The following ZNF717 variants were observed in gnomAD, a reference collection of about 807,000 sequenced individuals.
The protein encoded by ZNF717 is krueppel-like factor X17.
Under a neutral mutation model 13.8 loss-of-function variants are expected in ZNF717, and 9 were observed. The observed-to-expected ratio is 0.65, with a 90% confidence interval of 0.39 to 1.14. The LOEUF is 1.14. Among genes scored for constraint, ZNF717 ranks in the 50% most tolerant of loss-of-function variants. The probability of loss-of-function intolerance (pLI) is 0.01; values close to 1 mark genes in which losing one functional copy is unlikely to be tolerated. For synonymous variants in ZNF717, 327 were observed against 364.1 expected (o/e 0.90, Z 1.16); for missense variants, 1,040 against 1,080.7 (o/e 0.96, Z 0.53).
intron 2 of ZNF717, among the ~76,000 whole-genome samples, chr3:75,776,532 C>G (rs771432288): frequency 6.6e-6 from 1 of 152,118 alleles, no homozygotes; most frequent in Non-Finnish European, 1.5e-5. Context: ...TCACTGAGGA[C>G]AGCGAACCCC....
At chr3:75,750,059 G>T (rs75505549) in intron 2 of ZNF717, among the ~76,000 whole-genome samples, 1 of 151,320 alleles carries the variant, frequency 6.6e-6, no homozygotes, top group East Asian at 2.0e-4. Context: ...TGCTACGAGG[G>T]TCTGAATGTT....
At chr3:75,709,493 C>T (rs2106832472), downstream of ZNF717, 1 of 152,236 alleles carries the variant, frequency 6.6e-6, no homozygotes, top group African/African-American at 2.4e-5. Flanking sequence ...ACATGAAACA[C>T]AAAGGTTTTC....
At chr3:75,714,814 A>G (rs1269554779) in intron 5 of ZNF717, among the ~76,000 whole-genome samples, 4 of 152,234 alleles carry the variant, frequency 2.6e-5, no homozygotes, top group African/African-American at 9.6e-5. Context: ...TAATTATTGT[A>G]TATTTCATGA....
chr3:75,740,568 CTA>C (rs1169417687), intron 4 of ZNF717, among the ~76,000 whole-genome samples: 1 of 93,440 alleles, frequency 1.1e-5, no homozygotes, highest in Non-Finnish European at 1.9e-5. Flanking sequence ...CCGTACTCAG[CTA>C]TTTTTTTTTT....
In ZNF717 at chr3:75,737,419, T is replaced by C. The variant is rs1939468503; in HGVS notation, c.2204A>G (p.Asn735Ser). 2 of 1,554,348 alleles carry C rather than the reference T, an allele frequency of 1.3e-6. No homozygotes were observed. Among genetic ancestry groups the C allele is most frequent in the Non-Finnish European group, 8.7e-7 (1 of 1,148,594 alleles). Residue 735 changes from asparagine to serine, a missense_variant, in exon 5 of 5, where the codon AAT (asparagine) becomes AGT (serine). Coordinates refer to ENST00000652011, the MANE Select transcript of ZNF717 (RefSeq NM_001290208.3). ...TRGRNPMNVA[N>S]VEKPCQKSVL... is the part of the protein sequence containing the mutation. ...TGACTTCTGACAAGGTTTTTCCACA[T>C]TTGCTACATTCATAGGGTTTCTCCC...
intron 2 of ZNF717, among the ~76,000 whole-genome samples, chr3:75,771,274 T>C (rs1943850184): frequency 6.6e-6 from 1 of 152,232 alleles, no homozygotes; most frequent in African/African-American, 2.4e-5. Flanking sequence ...CAGTTGCTTC[T>C]GGACCTCACT....
chr3:75,716,614 A>C (rs1253997975), intron 4 of ZNF717: 1 of 152,234 alleles, frequency 6.6e-6, no homozygotes, highest in Non-Finnish European at 1.5e-5. Flanking sequence ...AAGGGCTCAA[A>C]GGTGAGTACT....
chr3:75,733,672 G>C (rs79112338), downstream of ZNF717, among the ~76,000 whole-genome samples: 1 of 150,074 alleles, frequency 6.7e-6, no homozygotes, highest in Non-Finnish European at 1.5e-5. Flanking sequence ...CTAGCTACTC[G>C]GGAGGCTGAG....
rs1243700691 is a variant in ZNF717 at position 75,730,580 on chromosome 3, T to C, written c.*33A>G. The C allele has an allele frequency of 7.0e-5, 49 of 700,690 alleles. 1 individual carries two copies. The highest frequency in any genetic ancestry group is 6.6e-4 in the African/African-American group (38 of 57,296). 43.4% of individuals were successfully genotyped at this position (700,690 alleles called of 1,614,324 possible). ...ATACGTAGGGATGTCCAATTGACAA[T>C]TGGGAATACAGTTCCAGAGTTCACA... On this transcript the variant is annotated 3_prime_UTR_variant, in exon 6 of 6. Transcript: ENST00000477374.
intron 2 of ZNF717, among the ~76,000 whole-genome samples, chr3:75,760,296 G>A (rs1186346491): frequency 8.5e-4 from 129 of 151,792 alleles, no homozygotes; most frequent in African/African-American, 2.7e-3. Context: ...CGCCCGCCTC[G>A]GCCTCCCAAA....
intron 2 of ZNF717, among the ~76,000 whole-genome samples, chr3:75,773,746 G>A (rs112609917): frequency 3.9e-5 from 6 of 152,028 alleles, no homozygotes; most frequent in African/African-American, 9.7e-5. Flanking sequence ...AGAGCAAGAC[G>A]CTATCTTTAA....
Position 75,764,990 on chromosome 3 carries a change from GATATAT to G in ZNF717, c.57+18310_57+18315del, listed in dbSNP as rs71101852. Among the ~76,000 whole-genome samples the G allele has an allele frequency of 3.4e-3, 348 of 102,320 alleles. 2 individuals are homozygous for G. The highest frequency in any genetic ancestry group is 0.022 in the South Asian group (50 of 2,312). 67.1% of individuals were successfully genotyped at this position (102,320 alleles called of 152,430 possible). A position where few individuals can be genotyped will look rare whatever the true frequency, so the allele number is the denominator to read the frequency against. On this transcript the variant is annotated intron_variant, in intron 2 of 4. Coordinates refer to ENST00000652011, the MANE Select transcript of ZNF717 (RefSeq NM_001290208.3). ...CCAGGAATGGACGGATAAACAAAAG[GATATAT>G]ATATATATATATATATATATATATA...
chr3:75,726,013 T>C (rs1464576704), downstream of ZNF717, among the ~76,000 whole-genome samples: 6 of 152,240 alleles, frequency 3.9e-5, no homozygotes, highest in Non-Finnish European at 8.8e-5. Flanking sequence ...GATGGCTTTG[T>C]GGCTCATTAT....
At chr3:75,765,640 G>A (rs1352988539) in intron 2 of ZNF717, among the ~76,000 whole-genome samples, 4 of 151,948 alleles carry the variant, frequency 2.6e-5, no homozygotes, top group African/African-American at 9.7e-5. Flanking sequence ...TCCACCTCCT[G>A]GGCTCAAGCA....
intron 6 of ZNF717, among the ~76,000 whole-genome samples, chr3:75,700,536 T>C (rs1450736343): frequency 3.4e-4 from 52 of 152,412 alleles, no homozygotes; most frequent in African/African-American, 1.1e-3. Flanking sequence ...GGTTTTAAAT[T>C]ATACCACTAA....
intron 4 of ZNF717, among the ~76,000 whole-genome samples, chr3:75,724,153 T>C (rs78287310): frequency 0.02 from 3,108 of 152,134 alleles, 91 homozygotes; most frequent in African/African-American, 0.07. Context: ...TTACCTATCA[T>C]TGGAGATGGC....
downstream of ZNF717, among the ~76,000 whole-genome samples, chr3:75,707,147 C>T (rs1447956532): frequency 7.9e-5 from 12 of 152,280 alleles, no homozygotes; most frequent in African/African-American, 2.9e-4. Flanking sequence ...CTGGGAAACA[C>T]ACTAAACACC....
intron 2 of ZNF717, among the ~76,000 whole-genome samples, chr3:75,749,910 TTG>T (rs1559626211): frequency 7.7e-6 from 1 of 129,876 alleles, no homozygotes; most frequent in African/African-American, 3.0e-5. Context: ...AACACTGCTG[TTG>T]GGTTCTGAGG....
At chr3:75,729,129 GT>G (rs140590292), downstream of ZNF717, among the ~76,000 whole-genome samples, 6,355 of 23,466 alleles carry the variant, frequency 0.27, 305 homozygotes, top group East Asian at 0.35. Flanking sequence ...AACAGGGAGG[GT>G]GAACAATCAG....
Sources: gnomAD v4.1 joint callset for allele counts (sites outside exome capture counted in the v4.1 genomes callset) on GRCh38, gnomAD v4.1.1 for gene constraint, MANE v1.5 for transcripts, NCBI Gene and HGNC (gene_info 2026-07-23, HGNC 2026-07-21) for gene names.